STXBP5L: variants seen among roughly 807,000 people sequenced by gnomAD.
The protein encoded by STXBP5L is syntaxin binding protein 5L, also known as syntaxin-binding protein 5-like.
In STXBP5L, 65 loss-of-function variants were observed where a neutral mutation model predicts 144.5. The observed-to-expected ratio is 0.45, with a 90% CI of 0.37 to 0.55. STXBP5L has a LOEUF of 0.55. Ranked by LOEUF, STXBP5L falls within the 20% of genes least tolerant of loss-of-function variation. The probability of loss-of-function intolerance (pLI) is 0.00; values close to 1 mark genes in which losing one functional copy is unlikely to be tolerated. For synonymous variants in STXBP5L, 505 were observed against 469.6 expected, an observed-to-expected ratio of 1.08 and a Z score of -0.97; for missense variants, 1,298 against 1,405.5, an observed-to-expected ratio of 0.92 and a Z score of 1.22.
intron 9 of STXBP5L, among the ~76,000 whole-genome samples, chr3:121,175,280 A>C (rs1223634518): frequency 6.6e-6 from 1 of 152,118 alleles, no homozygotes; most frequent in Non-Finnish European, 1.5e-5. Flanking sequence ...GGTTTGGTGC[A>C]CTGAAGGTAA....
At chr3:120,971,401 A>T (rs1008374101) in intron 3 of STXBP5L, among the ~76,000 whole-genome samples, 3 of 150,640 alleles carry the variant, frequency 2.0e-5, no homozygotes, top group Non-Finnish European at 4.4e-5. Flanking sequence ...ACTCCATCCC[A>T]CCTTTTGGAG....
chr3:121,206,789 G>T (rs1024536783), intron 10 of STXBP5L, among the ~76,000 whole-genome samples: 1 of 152,154 alleles, frequency 6.6e-6, no homozygotes, highest in African/African-American at 2.4e-5. Flanking sequence ...CCTTCAACCT[G>T]TGCAACAGAG....
At chr3:120,965,548 T>G (rs1180954765) in intron 3 of STXBP5L, among the ~76,000 whole-genome samples, 1 of 152,214 alleles carries the variant, frequency 6.6e-6, no homozygotes, top group Non-Finnish European at 1.5e-5. Flanking sequence ...CTAGTTTGGC[T>G]GGATATGATA....
intron 7 of STXBP5L, among the ~76,000 whole-genome samples, chr3:121,130,032 T>A (rs1343820811): frequency 6.6e-6 from 1 of 152,160 alleles, no homozygotes; most frequent in Non-Finnish European, 1.5e-5. Flanking sequence ...TCCTTGAAAT[T>A]ACTGAACCAA....
At chr3:120,927,610 G>A (rs1359681985) in intron 2 of STXBP5L, among the ~76,000 whole-genome samples, 1 of 152,164 alleles carries the variant, frequency 6.6e-6, no homozygotes, top group East Asian at 1.9e-4. Context: ...CTTAGCTCTT[G>A]GTGCAAGGCA....
chr3:121,131,328 C>A (rs1168662007), intron 7 of STXBP5L, among the ~76,000 whole-genome samples: 1 of 151,996 alleles, frequency 6.6e-6, no homozygotes, highest in Non-Finnish European at 1.5e-5. Flanking sequence ...AACAGTGATA[C>A]CAATGGAGAC....
chr3:121,018,979 T>A (rs2108197481), intron 3 of STXBP5L, among the ~76,000 whole-genome samples: 1 of 152,286 alleles, frequency 6.6e-6, no homozygotes, highest in East Asian at 1.9e-4. Context: ...TGGGGCAGAT[T>A]CTCAGCCCTG....
chr3:120,911,529 G>A (rs1460739647), intron 2 of STXBP5L, among the ~76,000 whole-genome samples: 10 of 152,092 alleles, frequency 6.6e-5, no homozygotes, highest in Non-Finnish European at 1.3e-4. Flanking sequence ...TTAACTAAGA[G>A]ACGGTTATTG....
intron 3 of STXBP5L, among the ~76,000 whole-genome samples, chr3:120,994,154 C>G (rs1943152782): frequency 6.6e-6 from 1 of 151,934 alleles, no homozygotes; most frequent in Non-Finnish European, 1.5e-5. Flanking sequence ...TGTCCTGCAA[C>G]TTTAATGAAT....
intron 19 of STXBP5L, among the ~76,000 whole-genome samples, chr3:121,281,401 G>A (rs570382613): frequency 3.9e-5 from 6 of 152,094 alleles, no homozygotes; most frequent in African/African-American, 1.2e-4. Flanking sequence ...TTCACATAAC[G>A]TGAGGTTTCC....
chr3:121,282,987 G>C (rs1303899690), intron 19 of STXBP5L, among the ~76,000 whole-genome samples: 2 of 151,910 alleles, frequency 1.3e-5, no homozygotes, highest in Non-Finnish European at 2.9e-5. Context: ...ATAAAAACTG[G>C]TATAGAAAGG....
intron 5 of STXBP5L, among the ~76,000 whole-genome samples, chr3:121,064,367 CCTT>C (rs1469169272): frequency 6.6e-6 from 1 of 152,218 alleles, no homozygotes; most frequent in Admixed American, 6.5e-5. Context: ...AAATGACTCA[CCTT>C]CTGTGTTGAT....
At chr3:121,235,411 A>T (rs2049444579) in intron 12 of STXBP5L, among the ~76,000 whole-genome samples, 1 of 152,064 alleles carries the variant, frequency 6.6e-6, no homozygotes, top group Non-Finnish European at 1.5e-5. Flanking sequence ...TTTATGTCTA[A>T]ATTCCTCTAG....
At chr3:121,091,419 T>C (rs1409868018) in intron 5 of STXBP5L, among the ~76,000 whole-genome samples, 1 of 151,796 alleles carries the variant, frequency 6.6e-6, no homozygotes, top group Non-Finnish European at 1.5e-5. Flanking sequence ...TTCCTATTTC[T>C]CCACATCCTC....
chr3:121,119,184 T>C (rs1306894918), intron 6 of STXBP5L, among the ~76,000 whole-genome samples: 3 of 151,540 alleles, frequency 2.0e-5, no homozygotes, highest in Non-Finnish European at 4.4e-5. Context: ...AGAATGAAGA[T>C]AAAAATTTGG....
chr3:121,331,913 C>T (rs1314132434), intron 20 of STXBP5L, among the ~76,000 whole-genome samples: 2 of 152,110 alleles, frequency 1.3e-5, no homozygotes, highest in Admixed American at 6.6e-5. Context: ...TGCTCACACA[C>T]CAAGCACATT....
intron 22 of STXBP5L, among the ~76,000 whole-genome samples, chr3:121,388,926 C>T (rs902778674): frequency 7.2e-5 from 11 of 152,096 alleles, no homozygotes; most frequent in Non-Finnish European, 2.9e-5. Context: ...GGGAGGATTC[C>T]CTCTTTTTCT....
intron 19 of STXBP5L, among the ~76,000 whole-genome samples, chr3:121,317,946 C>T (rs566661328): frequency 2.0e-5 from 3 of 151,992 alleles, no homozygotes; most frequent in African/African-American, 4.8e-5. Flanking sequence ...AATCATATCT[C>T]CTGAGAGGAT....
intron 15 of STXBP5L, among the ~76,000 whole-genome samples, chr3:121,251,405 T>C (rs1434638214): frequency 1.3e-5 from 2 of 152,178 alleles, no homozygotes; most frequent in African/African-American, 4.8e-5. Flanking sequence ...ATCTGTTTGC[T>C]ATCAGAAATG....
Sources: allele counts gnomAD v4.1 joint callset (sites outside exome capture counted in the v4.1 genomes callset), GRCh38; gene constraint gnomAD v4.1.1; transcripts MANE v1.5; gene names NCBI Gene and HGNC (gene_info 2026-07-23, HGNC 2026-07-21).